KPNA6: variants seen among roughly 807,000 people sequenced by gnomAD.
KPNA6 encodes importin subunit alpha-7.
Under a neutral mutation model 72.0 loss-of-function variants are expected in KPNA6, and 9 were observed. That is an observed-to-expected ratio of 0.13 (90% CI 0.08 to 0.22). The LOEUF is 0.22. Ranked by LOEUF, KPNA6 falls within the 10% of genes least tolerant of loss-of-function variation. The pLI, the probability that KPNA6 is intolerant of heterozygous loss-of-function variation, is 1.00. For synonymous variants in KPNA6, 219 were observed against 242.1 expected, an observed-to-expected ratio of 0.90 and a Z score of 0.89; for missense variants, 374 against 655.7, an observed-to-expected ratio of 0.57 and a Z score of 4.69.
At chr1:32,152,853 A>G (rs1642059284) in intron 1 of KPNA6, among the ~76,000 whole-genome samples, 1 of 150,930 alleles carries the variant, frequency 6.6e-6, no homozygotes, top group African/African-American at 2.4e-5. Context: ...TAAAAAAAAT[A>G]AAAATAAAAA....
intron 2 of KPNA6, among the ~76,000 whole-genome samples, chr1:32,155,310 CTTTTCTTTTTT>C (rs376707303): frequency 4.9e-5 from 7 of 142,446 alleles, no homozygotes; most frequent in East Asian, 2.1e-4. Flanking sequence ...GTTACCTTTT[CTTTTCTTTTTT>C]TTTTCTTTTT....
At chr1:32,129,712 T>C (rs564595070) in intron 1 of KPNA6, among the ~76,000 whole-genome samples, 17 of 152,254 alleles carry the variant, frequency 1.1e-4, no homozygotes, top group African/African-American at 3.1e-4. Flanking sequence ...TGCACCACCA[T>C]GCACAGCCAA....
At chr1:32,156,828 T>A (rs1642152761) in intron 2 of KPNA6, 25 bp from the exon 3 acceptor site, 10 of 1,569,088 alleles carry the variant, frequency 6.4e-6, no homozygotes, top group Non-Finnish European at 8.8e-6. Context: ...GAGAGTACTC[T>A]TAACCACTGT....
chr1:32,114,449 A>AT (rs1553125080), intron 1 of KPNA6, among the ~76,000 whole-genome samples: 12 of 146,286 alleles, frequency 8.2e-5, no homozygotes, highest in African/African-American at 2.8e-4. Context: ...CTCAAAAAAA[A>AT]AAATATATAT....
At chr1:32,110,871 G>A (rs931586587) in intron 1 of KPNA6, among the ~76,000 whole-genome samples, 1 of 152,178 alleles carries the variant, frequency 6.6e-6, no homozygotes, top group African/African-American at 2.4e-5. Flanking sequence ...TGGGCAACAA[G>A]CTAGACTCCC....
intron 1 of KPNA6, among the ~76,000 whole-genome samples, chr1:32,121,511 C>T (rs1009803510): frequency 6.6e-6 from 1 of 152,166 alleles, no homozygotes; most frequent in Non-Finnish European, 1.5e-5. Flanking sequence ...ATCTATTTAT[C>T]TCTATACATG....
At chr1:32,169,765 A>G (rs1642404324) in intron 12 of KPNA6, 117 bp from the exon 13 acceptor site, 4 of 974,530 alleles carry the variant, frequency 4.1e-6, no homozygotes, top group Non-Finnish European at 5.9e-6. Context: ...CGGCCTCACA[A>G]TTCTTAAAAA....
intron 1 of KPNA6, chr1:32,142,974 A>G: frequency 7.8e-7 from 1 of 1,289,784 alleles, no homozygotes; most frequent in Non-Finnish European, 1.0e-6. Context: ...CTTGAAGGAG[A>G]GGCTAGCGTC....
chr1:32,168,350 C>T (rs1308903153), intron 12 of KPNA6, among the ~76,000 whole-genome samples: 2 of 152,170 alleles, frequency 1.3e-5, no homozygotes, highest in South Asian at 2.1e-4. Flanking sequence ...CCACCACGCC[C>T]GGCTAATTTT....
intron 1 of KPNA6, among the ~76,000 whole-genome samples, chr1:32,119,020 A>ATTT (rs1557457142): frequency 1.4e-5 from 1 of 72,884 alleles, no homozygotes; most frequent in East Asian, 4.1e-4. Context: ...ATATATATAT[A>ATTT]TATATATATA....
chr1:32,141,769 T>C (rs1641842717), intron 1 of KPNA6, among the ~76,000 whole-genome samples: 1 of 152,106 alleles, frequency 6.6e-6, no homozygotes, highest in African/African-American at 2.4e-5. Flanking sequence ...ACTTCGATTG[T>C]CGCCTTTGCC....
intron 1 of KPNA6, among the ~76,000 whole-genome samples, chr1:32,142,753 C>T (rs1416087904): frequency 6.6e-6 from 1 of 152,168 alleles, no homozygotes; most frequent in East Asian, 1.9e-4. Context: ...TCATCCACAG[C>T]AAGTAAGGGA....
At chr1:32,117,167 TG>T (rs1300931368) in intron 1 of KPNA6, among the ~76,000 whole-genome samples, 10 of 151,020 alleles carry the variant, frequency 6.6e-5, no homozygotes, top group Admixed American at 3.3e-4. Flanking sequence ...ACCTTCAATT[TG>T]TTTTTTTTTG....
intron 10 of KPNA6, 119 bp downstream of exon 10, chr1:32,163,432 T>C (rs1034023289): frequency 4.3e-6 from 3 of 692,468 alleles, no homozygotes; most frequent in Non-Finnish European, 7.7e-6. Context: ...CACTATGGTC[T>C]AAGGAAGTAA....
chr1:32,118,791 C>A (rs1330396719), intron 1 of KPNA6, among the ~76,000 whole-genome samples: 1 of 151,352 alleles, frequency 6.6e-6, no homozygotes, highest in African/African-American at 2.4e-5. Flanking sequence ...AAGACCTTGT[C>A]TTTAAAAAAT....
intron 10 of KPNA6, among the ~76,000 whole-genome samples, chr1:32,164,812 T>C (rs1304258412): frequency 1.3e-5 from 2 of 152,120 alleles, no homozygotes; most frequent in African/African-American, 2.4e-5. Flanking sequence ...TAATCTCTTA[T>C]CAGACACATG....
chr1:32,138,599 G>T (rs1641784113), intron 1 of KPNA6, among the ~76,000 whole-genome samples: 1 of 151,824 alleles, frequency 6.6e-6, no homozygotes, highest in Non-Finnish European at 1.5e-5. Flanking sequence ...TCGTGAGCTT[G>T]GAGTGGGGGC....
chr1:32,133,381 TAAC>T (rs1371568485), intron 1 of KPNA6, among the ~76,000 whole-genome samples: 1 of 151,342 alleles, frequency 6.6e-6, no homozygotes, highest in Non-Finnish European at 1.5e-5. Context: ...AGCAGTAGGA[TAAC>T]AAAGTGCTGA....
At position 32,167,149 on chromosome 1, in the gene KPNA6, T is replaced by C. The variant is rs748826676; in HGVS notation, c.1117-20T>C. 2.1e-5 allele frequency: 34 copies of C among 1,610,838 alleles called. 1 individual carries two copies. The South Asian group carries it at 3.5e-4, about 17-fold the overall frequency. On this transcript the variant is annotated intron_variant, in intron 11 of 13. Coordinates refer to ENST00000373625, the MANE Select transcript of KPNA6 (RefSeq NM_012316.5). ...AAATGACTTTCTCCTTCCATCTGCC[T>C]CCTCTCAATTCTCTCTCAGGCTGTT...
Sources: allele counts gnomAD v4.1 joint callset (sites outside exome capture counted in the v4.1 genomes callset), GRCh38; gene constraint gnomAD v4.1.1; transcripts MANE v1.5; gene names NCBI Gene and HGNC (gene_info 2026-07-23, HGNC 2026-07-21).